The following PABPC4L variants were observed in gnomAD, a reference collection of about 807,000 sequenced individuals.
The protein encoded by PABPC4L is polyadenylate-binding protein 4-like.
For missense variants in PABPC4L, 452 were observed against 451.4 expected (o/e 1.00, Z -0.01); for synonymous variants, 169 against 164.1 (o/e 1.03, Z -0.23).
At chr4:134,047,915 A>G in the PABPC4L span, among the ~76,000 whole-genome samples, 1 of 151,964 alleles carries the variant, frequency 6.6e-6, no homozygotes. Context: ...TAGATTTATA[A>G]ATGTTGCTAT....
the PABPC4L span, among the ~76,000 whole-genome samples, chr4:133,994,622 C>T: frequency 6.6e-6 from 1 of 152,032 alleles, no homozygotes; most frequent in South Asian, 2.1e-4. Flanking sequence ...GTCCAATAAG[C>T]AATTTTATTT....
At chr4:134,094,135 A>G in the PABPC4L span, among the ~76,000 whole-genome samples, 1 of 151,924 alleles carries the variant, frequency 6.6e-6, no homozygotes, top group Non-Finnish European at 1.5e-5. Flanking sequence ...ATTTTGGGTA[A>G]CATAAATTAT....
At chr4:134,109,750 C>A in the PABPC4L span, among the ~76,000 whole-genome samples, 1 of 151,344 alleles carries the variant, frequency 6.6e-6, no homozygotes, top group Non-Finnish European at 1.5e-5. Flanking sequence ...ATTTCTAGAT[C>A]ATTTTTTTTT....
the PABPC4L span, among the ~76,000 whole-genome samples, chr4:134,002,325 A>C: frequency 6.6e-6 from 1 of 151,848 alleles, no homozygotes; most frequent in Non-Finnish European, 1.5e-5. Context: ...CCTTATTTAA[A>C]AGTTATGTAA....
chr4:134,127,579 A>C, the PABPC4L span, among the ~76,000 whole-genome samples: 2 of 152,140 alleles, frequency 1.3e-5, no homozygotes, highest in South Asian at 4.1e-4. Context: ...GCTCTCAGGA[A>C]GCCCCATCCC....
At chr4:134,047,829 T>A in the PABPC4L span, among the ~76,000 whole-genome samples, 1 of 149,718 alleles carries the variant, frequency 6.7e-6, no homozygotes, top group African/African-American at 2.5e-5. Context: ...TTTTTTCTGA[T>A]ATGGTCATGC....
the PABPC4L span, among the ~76,000 whole-genome samples, chr4:133,966,141 G>A: frequency 5.3e-5 from 8 of 152,148 alleles, no homozygotes; most frequent in African/African-American, 1.9e-4. Flanking sequence ...CCATCAAAAA[G>A]TGGGCTAGGG....
the PABPC4L span, among the ~76,000 whole-genome samples, chr4:134,066,294 C>A: frequency 6.6e-6 from 1 of 151,946 alleles, no homozygotes; most frequent in South Asian, 2.1e-4. Context: ...AGACATTTTT[C>A]TTTTTGTGGC....
chr4:134,185,044 A>G, the PABPC4L span, among the ~76,000 whole-genome samples: 1 of 151,918 alleles, frequency 6.6e-6, no homozygotes, highest in African/African-American at 2.4e-5. Flanking sequence ...GAGTTTTAAT[A>G]GTTCTTTCTA....
At chr4:134,035,576 A>C in the PABPC4L span, among the ~76,000 whole-genome samples, 1 of 152,058 alleles carries the variant, frequency 6.6e-6, no homozygotes, top group Non-Finnish European at 1.5e-5. Context: ...AGAGGAAAAT[A>C]AAGGCATAAT....
At chr4:134,123,066 G>T in the PABPC4L span, among the ~76,000 whole-genome samples, 1 of 151,874 alleles carries the variant, frequency 6.6e-6, no homozygotes, top group Non-Finnish European at 1.5e-5. Context: ...GAAATACAGG[G>T]TTAGGTACCT....
the PABPC4L span, among the ~76,000 whole-genome samples, chr4:134,085,277 TGGA>T: frequency 6.6e-6 from 1 of 152,104 alleles, no homozygotes; most frequent in Non-Finnish European, 1.5e-5. Flanking sequence ...TTTAAAAAGT[TGGA>T]GTATGTATGT....
At chr4:134,018,116 A>G in the PABPC4L span, among the ~76,000 whole-genome samples, 1 of 151,936 alleles carries the variant, frequency 6.6e-6, no homozygotes, top group Non-Finnish European at 1.5e-5. Flanking sequence ...AACTGATGAC[A>G]TTGTCTCATG....
the PABPC4L span, among the ~76,000 whole-genome samples, chr4:133,958,861 G>A: frequency 3.3e-5 from 5 of 152,152 alleles, no homozygotes; most frequent in Non-Finnish European, 5.9e-5. Context: ...TGAGATTTGG[G>A]TGGAGACACA....
chr4:134,147,749 G>GTGTGTGTGTGT, the PABPC4L span, among the ~76,000 whole-genome samples: 1 of 148,938 alleles, frequency 6.7e-6, no homozygotes, highest in African/African-American at 2.5e-5. Context: ...GTGTGTGTGT[G>GTGTGTGTGTGT]TGTTGTTGTT....
chr4:134,150,392 G>T, the PABPC4L span, among the ~76,000 whole-genome samples: 1 of 151,874 alleles, frequency 6.6e-6, no homozygotes, highest in Non-Finnish European at 1.5e-5. Flanking sequence ...CATATTATAT[G>T]GCATTTTTAG....
the PABPC4L span, among the ~76,000 whole-genome samples, chr4:134,046,932 T>C: frequency 7.2e-5 from 11 of 152,172 alleles, no homozygotes. Context: ...TTCTTATGTC[T>C]TCCTTTTCTA....
the PABPC4L span, among the ~76,000 whole-genome samples, chr4:133,976,055 A>G: frequency 6.6e-6 from 1 of 152,082 alleles, no homozygotes; most frequent in African/African-American, 2.4e-5. Flanking sequence ...GCATCTATCA[A>G]CCTAGGTATT....
At chr4:134,131,996 T>C in the PABPC4L span, among the ~76,000 whole-genome samples, 2 of 151,980 alleles carry the variant, frequency 1.3e-5, no homozygotes, top group African/African-American at 2.4e-5. Flanking sequence ...GGTGCTGGGA[T>C]AATTGGCAAG....
Sources: gnomAD v4.1 joint callset for allele counts (sites outside exome capture counted in the v4.1 genomes callset) on GRCh38, gnomAD v4.1.1 for gene constraint, MANE v1.5 for transcripts, NCBI Gene and HGNC (gene_info 2026-07-23, HGNC 2026-07-21) for gene names.